WSB2: variants seen among roughly 807,000 people sequenced by gnomAD.
WSB2 encodes the protein WD repeat and SOCS box-containing protein 2.
WSB2 carries 12 observed loss-of-function variants against 48.8 expected under a neutral mutation model. That is an observed-to-expected ratio of 0.25 (90% CI 0.16 to 0.40). The LOEUF is 0.40. Ranked by LOEUF, WSB2 falls within the 10% of genes least tolerant of loss-of-function variation. The probability of loss-of-function intolerance (pLI) is 1.00; values close to 1 mark genes in which losing one functional copy is unlikely to be tolerated. For missense variants in WSB2, 317 were observed against 506.2 expected (o/e 0.63, Z 3.59); for synonymous variants, 191 against 203.1 (o/e 0.94, Z 0.51).
At chr12:118,034,504 A>G in intron 8 of WSB2, 146 bp from the exon 9 acceptor site, 1 of 1,011,110 alleles carries the variant, frequency 9.9e-7, no homozygotes, top group Non-Finnish European at 1.4e-6. Context: ...ATGGATGTAA[A>G]ATTGTGGTGC....
chr12:118,040,526 C>T lies in WSB2; in HGVS notation c.560-2138G>A, dbSNP rs190010695. On this transcript the variant is annotated intron_variant, in intron 4 of 8. Transcript: ENST00000315436. ...CTGTAATCCCAGCACTTTGGGAGGC[C>T]GAGGTGGGCAGATCCCTTCAGGTCA... is the stretch of plus-strand genomic sequence containing the variant. Among the ~76,000 whole-genome samples the T allele has an allele frequency of 1.5e-3, 231 of 152,076 alleles. 1 individual carries two copies. The highest frequency in any genetic ancestry group is 3.1e-3 in the Admixed American group (48 of 15,250).
At chr12:118,047,741 A>G (rs928448765) in intron 2 of WSB2, among the ~76,000 whole-genome samples, 1 of 152,212 alleles carries the variant, frequency 6.6e-6, no homozygotes, top group Non-Finnish European at 1.5e-5. Flanking sequence ...ATTATTTTAA[A>G]TTATAAAAAT....
chr12:118,038,107 T>C, intron 5 of WSB2, 181 bp downstream of exon 5: 1 of 485,576 alleles, frequency 2.1e-6, no homozygotes, highest in South Asian at 4.0e-5. Context: ...ATCCCTCCTG[T>C]CTTTGGGTTC....
At chr12:118,050,760 A>G (rs980960850) in intron 2 of WSB2, among the ~76,000 whole-genome samples, 2 of 152,174 alleles carry the variant, frequency 1.3e-5, no homozygotes, top group Non-Finnish European at 2.9e-5. Flanking sequence ...AAGCACCTGA[A>G]AAGATGCTCG....
chr12:118,046,113 C>A lies in WSB2; in HGVS notation c.183-2736G>T, dbSNP rs141751040. On this transcript the variant is annotated intron_variant, in intron 2 of 8. Transcript: ENST00000315436. Reference sequence around the variant, plus strand: ...TGAGGCTGCTTTCACACTGTGACAGCGGAGTTCAACAGTCAAGACAGGGAC... The same window carrying A: ...TGAGGCTGCTTTCACACTGTGACAGAGGAGTTCAACAGTCAAGACAGGGAC... Among the ~76,000 whole-genome samples, 566 of 152,270 alleles carry A rather than the reference C, an allele frequency of 3.7e-3. 4 individuals are homozygous for A. The highest frequency in any genetic ancestry group is 0.011 in the African/African-American group (474 of 41,558).
chr12:118,051,586 T>A (rs1470546825), intron 2 of WSB2, among the ~76,000 whole-genome samples: 1 of 152,140 alleles, frequency 6.6e-6, no homozygotes, highest in Non-Finnish European at 1.5e-5. Flanking sequence ...ACAAAGTAGA[T>A]TAGTGGTTGC....
intron 4 of WSB2, among the ~76,000 whole-genome samples, chr12:118,041,937 G>A (rs11068783): frequency 0.028 from 4,326 of 151,882 alleles, 201 homozygotes; most frequent in African/African-American, 0.099. Context: ...GTATTTTTTA[G>A]TAGAGATGGG....
At chr12:118,035,487 AAG>A (rs1483356757) in intron 6 of WSB2, among the ~76,000 whole-genome samples, 163 bp from the exon 7 acceptor site, 1 of 152,192 alleles carries the variant, frequency 6.6e-6, no homozygotes, top group African/African-American at 2.4e-5. Flanking sequence ...TGGGAAAAAA[AAG>A]GGTATCTCAG....
Position 118,060,815 on chromosome 12 carries a change from G to A in WSB2, c.13+221C>T, listed in dbSNP as rs1398325268. 1.3e-5 allele frequency among the ~76,000 whole-genome samples: 2 copies of A among 151,988 alleles called. No homozygotes were observed. The highest frequency in any genetic ancestry group is 2.4e-5 in the African/African-American group (1 of 41,416). ...CGATCTTCCCGATCCTGTCGCCGGC[G>A]GGAGTCAGGGTGGCGGCCACTGACA... On this transcript the variant is annotated intron_variant, in intron 1 of 8. Coordinates refer to ENST00000315436, the MANE Select transcript of WSB2 (RefSeq NM_018639.5). This position sits in a 1 kb window ranked among gnomAD's most constrained non-coding sequence, Gnocchi z 4.1.
rs546685424 is a variant in WSB2, at chr12:118,056,057, C to A, written c.14-3579G>T. On this transcript the variant is annotated intron_variant, in intron 1 of 8. Transcript: ENST00000315436. The stretch of plus-strand genomic sequence containing the variant: ...CCCGCCTGGCCCAGTAGGCAACCTT[C>A]CAGCTGCTCTCCCGGCTTCCCCTCT... Among the ~76,000 whole-genome samples the A allele has an allele frequency of 5.3e-5, 8 of 152,200 alleles. No individual in the cohort carries two copies. In the South Asian group the frequency reaches 1.5e-3, roughly 28 times the overall value.
intron 1 of WSB2, among the ~76,000 whole-genome samples, chr12:118,058,454 TC>T (rs1239911250): frequency 1.3e-5 from 2 of 151,974 alleles, no homozygotes; most frequent in Admixed American, 1.3e-4. Flanking sequence ...GCTCAGATGA[TC>T]CTCCCATCTC....
At chr12:118,055,728 C>T (rs1454192424) in intron 1 of WSB2, among the ~76,000 whole-genome samples, 1 of 147,108 alleles carries the variant, frequency 6.8e-6, no homozygotes, top group African/African-American at 2.5e-5. Context: ...AATTCTTATG[C>T]CTCAGCCTTC....
At chr12:118,051,615 T>A (rs1043587622) in intron 2 of WSB2, among the ~76,000 whole-genome samples, 4 of 151,244 alleles carry the variant, frequency 2.6e-5, no homozygotes, top group Non-Finnish European at 5.9e-5. Context: ...TGCAGGGGGG[T>A]TGGGGGATCT....
intron 6 of WSB2, 72 bp from the exon 7 acceptor site, chr12:118,035,396 C>G (rs1167367251): frequency 7.1e-7 from 1 of 1,417,422 alleles, no homozygotes; most frequent in African/African-American, 1.4e-5. Context: ...TCACCCTAGG[C>G]AGGAAGCCAA....
Position 118,033,254 on chromosome 12 carries a change from AACAGCAGAG to A in WSB2, c.*933_*941del, listed in dbSNP as rs771777990. The A allele has an allele frequency of 3.3e-5, 5 of 152,540 alleles. No individual in the cohort carries two copies. The highest frequency in any genetic ancestry group is 4.8e-5 in the African/African-American group (2 of 41,456). 9.4% of individuals were successfully genotyped at this position (152,540 alleles called of 1,614,324 possible). On this transcript the variant is annotated 3_prime_UTR_variant, in exon 9 of 9. Coordinates refer to ENST00000315436, the MANE Select transcript of WSB2 (RefSeq NM_018639.5). ...CCAGCTGATTAATCCAATGAAGTTA[AACAGCAGAG>A]ACAGATCTCGTACATAAGAGTATCA... is the stretch of plus-strand genomic sequence containing the variant.
At chr12:118,058,869 T>C (rs191484873) in intron 1 of WSB2, among the ~76,000 whole-genome samples, 53 of 152,188 alleles carry the variant, frequency 3.5e-4, no homozygotes, top group African/African-American at 1.2e-3. Context: ...GTTAATTTTG[T>C]ATTTTTAGTA....
intron 1 of WSB2, among the ~76,000 whole-genome samples, chr12:118,058,915 C>T (rs929170705): frequency 6.6e-6 from 1 of 152,008 alleles, no homozygotes; most frequent in Non-Finnish European, 1.5e-5. Flanking sequence ...AGGCTGGTCT[C>T]GAACTCCTGG....
At chr12:118,053,168 C>G (rs1026857413) in intron 1 of WSB2, among the ~76,000 whole-genome samples, 1 of 152,208 alleles carries the variant, frequency 6.6e-6, no homozygotes. Flanking sequence ...AGAAAGCTCC[C>G]GCCTGCCTAC....
chr12:118,049,560 C>T (rs2031809074), intron 2 of WSB2, among the ~76,000 whole-genome samples: 1 of 152,122 alleles, frequency 6.6e-6, no homozygotes, highest in African/African-American at 2.4e-5. Flanking sequence ...CACCACCACA[C>T]CTGGCTAACT....
Sources: gnomAD v4.1 joint callset for allele counts (sites outside exome capture counted in the v4.1 genomes callset) on GRCh38, gnomAD v4.1.1 for gene constraint, Gnocchi (gnomAD v3.1) non-coding constraint, MANE v1.5 for transcripts, NCBI Gene and HGNC (gene_info 2026-07-23, HGNC 2026-07-21) for gene names.